BIRC3: variants seen among roughly 807,000 people sequenced by gnomAD.
BIRC3 encodes baculoviral IAP repeat-containing protein 3.
A neutral mutation model predicts 59.0 loss-of-function variants in BIRC3; 26 were observed. The observed-to-expected ratio is 0.44, with a 90% CI of 0.32 to 0.61. The LOEUF (loss-of-function observed/expected upper bound fraction) is 0.61, where lower values mean the gene tolerates loss of function less well. BIRC3 is among the 20% of genes least tolerant of loss of function. The pLI, the probability that BIRC3 is intolerant of heterozygous loss-of-function variation, is 0.04. For missense variants in BIRC3, 641 were observed against 711.5 expected (o/e 0.90, Z 1.13); for synonymous variants, 243 against 249.2 (o/e 0.98, Z 0.24).
Position 102,335,984 on chromosome 11 carries a change from G to A in BIRC3, c.1343G>A (p.Arg448Gln), listed in dbSNP as rs759842920. 40 of 1,606,750 alleles carry A rather than the reference G, an allele frequency of 2.5e-5. No homozygotes were observed. The highest frequency in any genetic ancestry group is 1.8e-4 in the Middle Eastern group (1 of 5,678). ...EKESNDLLLIRKNRMALFQHL... is the reference protein window; with the variant it reads ...EKESNDLLLIQKNRMALFQHL... ...TATAAAGATGATTTATTATTAATCC[G>A]GAAGAATAGAATGGCACTTTTTCAA... The change falls in exon 7 of 9, where the codon CGG becomes CAG. Residue 448 changes from arginine (R) to glutamine (Q), a missense_variant. Around this residue, in one of 4 missense-constraint regions of BIRC3, gnomAD observed 268 missense variants for 255.7 expected, o/e 1.05. Coordinates refer to ENST00000263464, the MANE Select transcript of BIRC3 (RefSeq NM_001165.5).
In BIRC3 at chr11:102,335,824, C is replaced by T. The variant is rs1226506356; in HGVS notation, c.1325-142C>T. 4.0e-6 allele frequency: 3 copies of T among 754,954 alleles called. No homozygotes were observed. The East Asian group carries it at 8.5e-5, about 21-fold the overall frequency. 46.8% of individuals were successfully genotyped at this position (754,954 alleles called of 1,614,324 possible). ...TTATTATTAAGCAAAGGAGATGAGACACCCCTAAACCTAGCAATCAACATC... is the reference window on the plus strand; with the variant it reads ...TTATTATTAAGCAAAGGAGATGAGATACCCCTAAACCTAGCAATCAACATC... On this transcript the variant is annotated intron_variant, in intron 6 of 8. Transcript: ENST00000263464.
rs1951231602 is a variant in BIRC3, at chr11:102,339,295, T to G, written c.*2193T>G. On this transcript the variant is annotated 3_prime_UTR_variant, in exon 9 of 9. Coordinates refer to ENST00000263464, the MANE Select transcript of BIRC3 (RefSeq NM_001165.5). ...TGTAAAACTTTTGTTCATTTCTCAT[T>G]ATGGTAATAAATAGCTATTATAACC... 1 of 186,772 alleles carries G rather than the reference T, an allele frequency of 5.4e-6. No individual in the cohort carries two copies. Among genetic ancestry groups the G allele is most frequent in the African/African-American group, 2.3e-5 (1 of 42,744 alleles). 11.6% of individuals were successfully genotyped at this position (186,772 alleles called of 1,614,324 possible). A position where few individuals can be genotyped will look rare whatever the true frequency, so the allele number is the denominator to read the frequency against.
At position 102,324,520 on chromosome 11, in the gene BIRC3, T is replaced by A; in HGVS notation, c.11T>A (p.Val4Glu). The A allele has an allele frequency of 6.2e-7, 1 of 1,611,524 alleles. No homozygotes were observed. Residue 4 changes from valine (V) to glutamate (E), a missense_variant, in exon 2 of 9, where the codon GTA becomes GAA. By Grantham distance (121) the Val-to-Glu change is moderately radical. Around this residue, in one of 4 missense-constraint regions of BIRC3, gnomAD observed 329 missense variants for 365.6 expected, o/e 0.90. Transcript: ENST00000263464. MNI[V>E]ENSIFLSNLM... Reference sequence around the variant, plus strand: ...CCCATTCATTTCATTATGAACATAGTAGAAAACAGCATATTCTTATCAAAT... The same window carrying A: ...CCCATTCATTTCATTATGAACATAGAAGAAAACAGCATATTCTTATCAAAT...
intron 6 of BIRC3, among the ~76,000 whole-genome samples, chr11:102,334,755 G>A (rs976191900): frequency 1.3e-5 from 2 of 152,100 alleles, no homozygotes; most frequent in African/African-American, 4.8e-5. Context: ...TTTTACCAAT[G>A]GATACAAAAT....
rs1369468441 is a variant in BIRC3 at position 102,336,015 on chromosome 11, G to A, written c.1374G>A (p.Leu458=). The A allele has an allele frequency of 6.2e-7, 1 of 1,611,914 alleles. No homozygotes were observed. The highest frequency in any genetic ancestry group is 8.5e-7 in the Non-Finnish European group (1 of 1,179,204). ...RKNRMALFQH[L]TCVIPILDSL... ...ATAGAATGGCACTTTTTCAACATTT[G>A]ACTTGTGTAATTCCAATCCTGGATA... Residue 458 remains leucine, a synonymous_variant, in exon 7 of 9, where the codon TTG becomes TTA. Transcript: ENST00000263464.
chr11:102,319,557 C>A (rs1452865207), intron 1 of BIRC3, among the ~76,000 whole-genome samples: 2 of 152,124 alleles, frequency 1.3e-5, no homozygotes, highest in Admixed American at 6.5e-5. Context: ...GGTTGTGAGC[C>A]AAAACGGCTT....
intron 6 of BIRC3, among the ~76,000 whole-genome samples, chr11:102,335,670 C>T (rs913889733): frequency 3.9e-5 from 6 of 151,934 alleles, no homozygotes; most frequent in South Asian, 2.1e-4. Context: ...TTTTTTAAGA[C>T]AGGGTATTGC....
At position 102,323,719 on chromosome 11, in the gene BIRC3, T is replaced by C. The variant is rs985702621; in HGVS notation, c.-791T>C. ...ATTTTAGATTGTTTTGTTCTCCTTATTAGAAGGATTGTAGAAAGAAAAAAA... is the reference window on the plus strand; with the variant it reads ...ATTTTAGATTGTTTTGTTCTCCTTACTAGAAGGATTGTAGAAAGAAAAAAA... On this transcript the variant is annotated 5_prime_UTR_variant, in exon 2 of 9. Transcript: ENST00000263464. 5.0e-6 allele frequency: 1 copy of C among 199,756 alleles called. No individual in the cohort carries two copies. Among genetic ancestry groups the C allele is most frequent in the Non-Finnish European group, 1.0e-5 (1 of 97,042 alleles). 12.4% of individuals were successfully genotyped at this position (199,756 alleles called of 1,614,324 possible). A position where few individuals can be genotyped will look rare whatever the true frequency, so the allele number is the denominator to read the frequency against.
chr11:102,320,215 A>T (rs1462863694), intron 1 of BIRC3: 1 of 151,834 alleles, frequency 6.6e-6, no homozygotes, highest in Non-Finnish European at 1.5e-5. Flanking sequence ...TGCAAACTCA[A>T]ATGGAGGTGA....
rs897653950 is a variant in BIRC3, at chr11:102,324,988, G to A, written c.479G>A (p.Ser160Asn). 3.1e-6 allele frequency: 5 copies of A among 1,614,198 alleles called. No homozygotes were observed. The highest frequency in any genetic ancestry group is 4.2e-6 in the Non-Finnish European group (5 of 1,180,034). Reference protein sequence around the residue: ...ANQDFSALMRSSYHCAMNNEN... With the variant: ...ANQDFSALMRNSYHCAMNNEN... ...CAAGATTTTTCTGCCTTGATGAGAA[G>A]TTCCTACCACTGTGCAATGAATAAC... Residue 160 changes from serine to asparagine, a missense_variant, in exon 2 of 9, where the codon AGT becomes AAT. Coordinates refer to ENST00000263464, the MANE Select transcript of BIRC3 (RefSeq NM_001165.5).
rs1951205494 is a variant in BIRC3, at chr11:102,337,174, A to T, written c.*72A>T. 1 of 1,211,922 alleles carries T rather than the reference A, an allele frequency of 8.3e-7. No homozygotes were observed. Among genetic ancestry groups the T allele is most frequent in the East Asian group, 3.1e-5 (1 of 32,386 alleles). The allele number at this position is 1,211,922 out of a possible 1,614,324, so 75.1% of individuals were successfully genotyped here. ...GTATTATAACTTTAACTTTTATCCT[A>T]ATTTGGTTTCCTTAAAATTTTTATT... On this transcript the variant is annotated 3_prime_UTR_variant, in exon 9 of 9. Transcript: ENST00000263464.
Position 102,335,898 on chromosome 11 carries a change from T to C in BIRC3, c.1325-68T>C, listed in dbSNP as rs1362721296. On this transcript the variant is annotated intron_variant, in intron 6 of 8. Transcript: ENST00000263464. The stretch of plus-strand genomic sequence containing the variant: ...AAGATAGTTTTTATCCTGCTATATA[T>C]ATAGGACTGGAAGGAAGTTTGTGAG... 2.7e-6 allele frequency: 4 copies of C among 1,467,836 alleles called. No homozygotes were observed. In the East Asian group the frequency reaches 9.1e-5, roughly 33 times the overall value. 90.9% of individuals were successfully genotyped at this position (1,467,836 alleles called of 1,614,324 possible). A position where few individuals can be genotyped will look rare whatever the true frequency, so the allele number is the denominator to read the frequency against.
At position 102,336,968 on chromosome 11, in the gene BIRC3, A is replaced by G. The variant is rs1951203496; in HGVS notation, c.1681A>G (p.Met561Val). Reference sequence around the variant, plus strand: ...AGAAGAAAGAACATGTAAAGTGTGTATGGACAAAGAAGTGTCCATAGTGTT... The same window carrying G: ...AGAAGAAAGAACATGTAAAGTGTGTGTGGACAAAGAAGTGTCCATAGTGTT... Reference protein sequence around the residue: ...LQEERTCKVCMDKEVSIVFIP... With the variant: ...LQEERTCKVCVDKEVSIVFIP... Residue 561 changes from methionine (M) to valine (V), a missense_variant, in exon 9 of 9, where the codon ATG becomes GTG. By Grantham distance (21) the Met-to-Val change is conservative. This residue lies in a region of BIRC3 where 41 missense variants were observed against 73.4 expected (regional missense o/e 0.56). Coordinates refer to ENST00000263464, the MANE Select transcript of BIRC3 (RefSeq NM_001165.5). The G allele has an allele frequency of 6.2e-7, 1 of 1,605,356 alleles. No individual in the cohort carries two copies. The highest frequency in any genetic ancestry group is 8.5e-7 in the Non-Finnish European group (1 of 1,178,156).
intron 1 of BIRC3, among the ~76,000 whole-genome samples, chr11:102,317,866 G>A (rs567162718): frequency 1.3e-5 from 2 of 152,354 alleles, no homozygotes; most frequent in Non-Finnish European, 2.9e-5. Flanking sequence ...GTTGCCAAGA[G>A]TTATCACTGG....
chr11:102,338,559 A>G lies in BIRC3; in HGVS notation c.*1457A>G, dbSNP rs1160488738. 4.4e-6 allele frequency: 1 copy of G among 229,076 alleles called. No homozygotes were observed. Among genetic ancestry groups the G allele is most frequent in the African/African-American group, 2.2e-5 (1 of 45,068 alleles). The allele number at this position is 229,076 out of a possible 1,614,324, so 14.2% of individuals were successfully genotyped here. ...ATAGTGATTGGAAAAAAAGGATATG[A>G]TCTAATGGGAATAGACACAGGTTGG... On this transcript the variant is annotated 3_prime_UTR_variant, in exon 9 of 9. Coordinates refer to ENST00000263464, the MANE Select transcript of BIRC3 (RefSeq NM_001165.5).
chr11:102,327,991 A>G (rs1381879292), intron 3 of BIRC3, 61 bp from the exon 4 acceptor site: 2 of 1,342,026 alleles, frequency 1.5e-6, no homozygotes, highest in East Asian at 2.4e-5. Context: ...AATTTATGTT[A>G]TTACATTTTC....
At chr11:102,320,722 G>A (rs951687627) in intron 1 of BIRC3, among the ~76,000 whole-genome samples, 1 of 152,128 alleles carries the variant, frequency 6.6e-6, no homozygotes, top group Non-Finnish European at 1.5e-5. Flanking sequence ...ATGGACACAT[G>A]TGTTACATTG....
intron 3 of BIRC3, among the ~76,000 whole-genome samples, chr11:102,326,503 A>G (rs1397554587): frequency 1.3e-5 from 2 of 152,198 alleles, no homozygotes; most frequent in Admixed American, 6.5e-5. Flanking sequence ...AGCTTCAAAA[A>G]GTTTTTTACA....
Position 102,325,500 on chromosome 11 carries a change from T to C in BIRC3, c.888T>C (p.Asp296=), listed in dbSNP as rs753392606. The change falls in exon 3 of 9, where the codon GAT becomes GAC. Residue 296 remains aspartate, a synonymous_variant. Coordinates refer to ENST00000263464, the MANE Select transcript of BIRC3 (RefSeq NM_001165.5). ...NSDDVKCFCC[D]GGLRCWESGD... ...ATGATGTCAAATGCTTTTGCTGTGA[T>C]GGTGGACTCAGGTGTTGGGAATCTG... is the stretch of plus-strand genomic sequence containing the variant. The C allele has an allele frequency of 5.6e-6, 9 of 1,612,828 alleles. No homozygotes were observed. The Admixed American group carries it at 8.3e-5, about 15-fold the overall frequency.
Sources: gnomAD v4.1 joint callset for allele counts (sites outside exome capture counted in the v4.1 genomes callset) on GRCh38, gnomAD v4.1.1 for gene constraint, gnomAD v4.1.1 regional missense constraint, MANE v1.5 for transcripts, NCBI Gene and HGNC (gene_info 2026-07-23, HGNC 2026-07-21) for gene names.